SLC35F4: variants seen among roughly 807,000 people sequenced by gnomAD.
SLC35F4 encodes solute carrier family 35 member F4.
In SLC35F4, 24 loss-of-function variants were observed where a neutral mutation model predicts 44.2. That is an observed-to-expected ratio of 0.54 (90% CI 0.39 to 0.76). SLC35F4 has a LOEUF of 0.76. Ranked by LOEUF, SLC35F4 falls within the 30% of genes least tolerant of loss-of-function variation. The pLI, the probability that SLC35F4 is intolerant of heterozygous loss-of-function variation, is 0.00. For missense variants in SLC35F4, 562 were observed against 586.1 expected, an observed-to-expected ratio of 0.96 and a Z score of 0.42; for synonymous variants, 238 against 223.6, an observed-to-expected ratio of 1.06 and a Z score of -0.57.
intron 1 of SLC35F4, among the ~76,000 whole-genome samples, chr14:57,850,641 G>A (rs1192668481): frequency 3.9e-5 from 6 of 152,110 alleles, no homozygotes; most frequent in Non-Finnish European, 7.4e-5. Context: ...AAGCTTCACA[G>A]TCACCATTAT....
intron 1 of SLC35F4, among the ~76,000 whole-genome samples, chr14:57,846,368 T>C (rs191336805): frequency 6.6e-6 from 1 of 152,198 alleles, no homozygotes; most frequent in African/African-American, 2.4e-5. Flanking sequence ...GCCTGAATAT[T>C]GGGCCAAGTG....
At chr14:57,774,866 C>T (rs181119265) in intron 1 of SLC35F4, among the ~76,000 whole-genome samples, 1 of 152,332 alleles carries the variant, frequency 6.6e-6, no homozygotes. Flanking sequence ...ATCTTGCCTT[C>T]CCTTCCTGCC....
At chr14:57,946,319 G>C (rs942671327) in intron 1 of SLC35F4, among the ~76,000 whole-genome samples, 1 of 152,012 alleles carries the variant, frequency 6.6e-6, no homozygotes, top group African/African-American at 2.4e-5. Context: ...GAGAGATGGG[G>C]ATCCAGTTTC....
intron 3 of SLC35F4, among the ~76,000 whole-genome samples, chr14:57,586,311 T>G (rs2139859913): frequency 6.6e-6 from 1 of 152,268 alleles, no homozygotes; most frequent in South Asian, 2.1e-4. Context: ...TCCTTACACC[T>G]TATACAAAAA....
At chr14:57,653,891 T>A (rs946282042) in intron 1 of SLC35F4, among the ~76,000 whole-genome samples, 1 of 152,160 alleles carries the variant, frequency 6.6e-6, no homozygotes, top group Non-Finnish European at 1.5e-5. Flanking sequence ...ATCAAGGTAT[T>A]GATACAGTTG....
intron 1 of SLC35F4, among the ~76,000 whole-genome samples, chr14:57,853,256 G>A (rs544048782): frequency 6.6e-5 from 10 of 152,214 alleles, no homozygotes; most frequent in Non-Finnish European, 1.5e-4. Context: ...TCAGTTTCTA[G>A]GATGATACAG....
chr14:57,659,140 C>T, intron 1 of SLC35F4, among the ~76,000 whole-genome samples: 1 of 152,170 alleles, frequency 6.6e-6, no homozygotes, highest in East Asian at 1.9e-4. Context: ...GACTATTCCC[C>T]TGTTTAATTA....
intron 1 of SLC35F4, among the ~76,000 whole-genome samples, chr14:57,960,008 C>A (rs1211685358): frequency 6.6e-6 from 1 of 152,176 alleles, no homozygotes; most frequent in Admixed American, 6.5e-5. Context: ...GCTTGTGATA[C>A]TACCCAGAGA....
At chr14:57,974,737 G>T (rs568708949), downstream of SLC35F4, among the ~76,000 whole-genome samples, 10 of 152,110 alleles carry the variant, frequency 6.6e-5, no homozygotes, top group South Asian at 8.3e-4. Flanking sequence ...GGATTATGAA[G>T]GAAAATCTGT....
chr14:57,925,154 G>C (rs1889531565), intron 1 of SLC35F4, among the ~76,000 whole-genome samples: 1 of 151,746 alleles, frequency 6.6e-6, no homozygotes, highest in African/African-American at 2.4e-5. Flanking sequence ...CTATTAATGA[G>C]GGATTCACTC....
intron 1 of SLC35F4, among the ~76,000 whole-genome samples, chr14:57,810,932 T>TG (rs1350337684): frequency 2.6e-5 from 4 of 152,250 alleles, no homozygotes; most frequent in Admixed American, 2.6e-4. Context: ...ATTCTAATAT[T>TG]GTCAGGTGAC....
intron 1 of SLC35F4, among the ~76,000 whole-genome samples, chr14:57,969,303 T>C (rs1014539749): frequency 2.0e-5 from 3 of 152,238 alleles, no homozygotes; most frequent in Non-Finnish European, 2.9e-5. Context: ...GAGCAAGAAC[T>C]GCATGTTTAT....
At chr14:57,746,790 C>A (rs2076765969) in intron 1 of SLC35F4, among the ~76,000 whole-genome samples, 2 of 152,080 alleles carry the variant, frequency 1.3e-5, no homozygotes, top group Admixed American at 6.6e-5. Flanking sequence ...AGCTATTCTG[C>A]AAGCTACCAT....
chr14:57,600,691 C>CAAAAAA (rs67819924), intron 1 of SLC35F4, among the ~76,000 whole-genome samples: 13 of 55,386 alleles, frequency 2.3e-4, no homozygotes, highest in Admixed American at 4.4e-4. Context: ...GACTCCATCT[C>CAAAAAA]AAAAAAAAAA....
At chr14:57,917,392 A>G (rs897956848) in intron 1 of SLC35F4, among the ~76,000 whole-genome samples, 1 of 151,882 alleles carries the variant, frequency 6.6e-6, no homozygotes, top group Non-Finnish European at 1.5e-5. Context: ...TTCTCCTTGC[A>G]TGTTGTCTAC....
At chr14:57,810,987 G>C (rs1474514633) in intron 1 of SLC35F4, among the ~76,000 whole-genome samples, 1 of 152,158 alleles carries the variant, frequency 6.6e-6, no homozygotes, top group Non-Finnish European at 1.5e-5. Context: ...CCCAGTTTTT[G>C]AGACAATAAA....
At chr14:57,773,491 C>A (rs1015558746) in intron 1 of SLC35F4, among the ~76,000 whole-genome samples, 12 of 152,150 alleles carry the variant, frequency 7.9e-5, no homozygotes, top group African/African-American at 2.9e-4. Context: ...AGGTCTGTCA[C>A]CAAGGTCTGT....
At chr14:57,654,780 C>T (rs955613288) in intron 1 of SLC35F4, among the ~76,000 whole-genome samples, 6 of 152,244 alleles carry the variant, frequency 3.9e-5, no homozygotes, top group African/African-American at 1.4e-4. Context: ...CTTGCAACAA[C>T]CTAGTTTCCA....
At chr14:57,686,169 C>T (rs967887719) in intron 1 of SLC35F4, among the ~76,000 whole-genome samples, 5 of 152,040 alleles carry the variant, frequency 3.3e-5, no homozygotes, top group South Asian at 2.1e-4. Flanking sequence ...ATGGAGGAGG[C>T]GTTGATTCTC....
Sources: allele counts gnomAD v4.1 joint callset (sites outside exome capture counted in the v4.1 genomes callset), GRCh38; gene constraint gnomAD v4.1.1; transcripts MANE v1.5; gene names NCBI Gene and HGNC (gene_info 2026-07-23, HGNC 2026-07-21).